The following GHR variants were observed in gnomAD, a reference collection of about 807,000 sequenced individuals.
GHR encodes the protein growth hormone receptor.
Under a neutral mutation model 67.1 loss-of-function variants are expected in GHR, and 35 were observed. The ratio of observed to expected loss-of-function variants is 0.52; its 90% CI spans 0.40 to 0.69. The LOEUF is 0.69. GHR is among the 30% of genes least tolerant of loss of function. The pLI, the probability that GHR is intolerant of heterozygous loss-of-function variation, is 0.00. For missense variants in GHR, 792 were observed against 764.6 expected (o/e 1.04, Z -0.42); for synonymous variants, 272 against 269.1 (o/e 1.01, Z -0.10).
At chr5:42,514,930 A>T (rs780866564) in intron 1 of GHR, 2 of 152,206 alleles carry the variant, frequency 1.3e-5, no homozygotes, top group Non-Finnish European at 2.9e-5. Context: ...TATTAATAAG[A>T]TCTGAAAGTA....
intron 2 of GHR, among the ~76,000 whole-genome samples, chr5:42,626,349 C>T (rs1279048674): frequency 1.6e-4 from 25 of 152,148 alleles, no homozygotes; most frequent in African/African-American, 9.7e-5. Flanking sequence ...CCTCCCCCTC[C>T]GGTTTGATAA....
chr5:42,688,809 A>C (rs1757280618), intron 3 of GHR, 81 bp from the exon 4 acceptor site: 2 of 1,299,694 alleles, frequency 1.5e-6, no homozygotes, highest in African/African-American at 2.9e-5. Flanking sequence ...TAGTTTCTTC[A>C]CACACTTTAG....
chr5:42,713,457 T>C lies in GHR; in HGVS notation c.813T>C (p.Ile271=). The part of the protein sequence containing the change: ...EDFYFPWLLI[I]IFGIFGLTVM... ...TCTACTTTCCATGGCTCTTAATTAT[T>C]ATCTTTGGAATATTTGGGCTAACAG... is the stretch of plus-strand genomic sequence containing the variant. The change falls in exon 8 of 10, where the codon ATT becomes ATC. Residue 271 remains isoleucine, a synonymous_variant. Coordinates refer to ENST00000230882, the MANE Select transcript of GHR (RefSeq NM_000163.5). 1.3e-6 allele frequency: 2 copies of C among 1,494,314 alleles called. No homozygotes were observed. Among genetic ancestry groups the C allele is most frequent in the South Asian group, 1.1e-5 (1 of 88,644 alleles). The allele number at this position is 1,494,314 out of a possible 1,614,324, so 92.6% of individuals were successfully genotyped here.
chr5:42,595,366 A>G (rs974024133), intron 2 of GHR, among the ~76,000 whole-genome samples: 1 of 152,152 alleles, frequency 6.6e-6, no homozygotes, highest in Non-Finnish European at 1.5e-5. Context: ...AGAATCAGGT[A>G]TGTTCTTATA....
intron 2 of GHR, among the ~76,000 whole-genome samples, chr5:42,585,591 C>A (rs969845741): frequency 6.6e-6 from 1 of 152,108 alleles, no homozygotes; most frequent in Non-Finnish European, 1.5e-5. Flanking sequence ...TTTTGCTGCA[C>A]GTTTTTTAAA....
intron 1 of GHR, among the ~76,000 whole-genome samples, chr5:42,553,397 T>C (rs1169210823): frequency 6.6e-6 from 1 of 152,182 alleles, no homozygotes; most frequent in Admixed American, 6.5e-5. Context: ...AGAGGCTATC[T>C]GCATTGCATC....
At chr5:42,557,595 G>C (rs957807736) in intron 1 of GHR, among the ~76,000 whole-genome samples, 1 of 152,046 alleles carries the variant, frequency 6.6e-6, no homozygotes, top group East Asian at 1.9e-4. Context: ...ATGAATATTA[G>C]AGATGAGTAA....
At chr5:42,484,725 C>T (rs1261683033) in intron 1 of GHR, among the ~76,000 whole-genome samples, 1 of 152,152 alleles carries the variant, frequency 6.6e-6, no homozygotes, top group Non-Finnish European at 1.5e-5. Context: ...ATGAATTTTA[C>T]TTTGAGAATA....
At chr5:42,636,321 C>T (rs929045925) in intron 3 of GHR, among the ~76,000 whole-genome samples, 13 of 151,380 alleles carry the variant, frequency 8.6e-5, no homozygotes, top group Non-Finnish European at 1.9e-4. Context: ...AGCATGGTTT[C>T]TTTGCCAAAG....
At chr5:42,572,659 G>T (rs931016286) in intron 2 of GHR, among the ~76,000 whole-genome samples, 1 of 152,134 alleles carries the variant, frequency 6.6e-6, no homozygotes, top group Non-Finnish European at 1.5e-5. Flanking sequence ...AAGCCACAGT[G>T]TTTCATCAGG....
At chr5:42,578,272 T>C (rs1750874277) in intron 2 of GHR, among the ~76,000 whole-genome samples, 1 of 152,188 alleles carries the variant, frequency 6.6e-6, no homozygotes, top group Admixed American at 6.5e-5. Flanking sequence ...GGTAGTTGCA[T>C]ATTGAACTGA....
At chr5:42,557,190 C>T (rs1749355803) in intron 1 of GHR, among the ~76,000 whole-genome samples, 2 of 152,130 alleles carry the variant, frequency 1.3e-5, no homozygotes, top group South Asian at 4.1e-4. Flanking sequence ...TGCCTGTACA[C>T]CCAAGCACAA....
At chr5:42,604,557 G>T (rs1752529064) in intron 2 of GHR, among the ~76,000 whole-genome samples, 1 of 152,148 alleles carries the variant, frequency 6.6e-6, no homozygotes, top group Admixed American at 6.5e-5. Flanking sequence ...AAAGGAACAG[G>T]TGAATAGAGG....
intron 2 of GHR, among the ~76,000 whole-genome samples, chr5:42,595,423 A>G (rs1166820481): frequency 6.6e-6 from 1 of 152,226 alleles, no homozygotes; most frequent in African/African-American, 2.4e-5. Context: ...TCCTTTGGCC[A>G]CCAGGAAGAC....
chr5:42,512,250 G>T (rs534105723), intron 1 of GHR, among the ~76,000 whole-genome samples: 17 of 152,070 alleles, frequency 1.1e-4, no homozygotes, highest in Non-Finnish European at 2.1e-4. Flanking sequence ...GGACTCAGGG[G>T]TTCTCAAGGC....
intron 5 of GHR, 100 bp from the exon 6 acceptor site, chr5:42,699,724 A>G: frequency 2.5e-6 from 2 of 816,220 alleles, no homozygotes; most frequent in Non-Finnish European, 4.4e-6. Flanking sequence ...AGCATGAATG[A>G]TCAAAAATGT....
chr5:42,523,951 G>T (rs778025969), intron 1 of GHR, among the ~76,000 whole-genome samples: 1 of 152,032 alleles, frequency 6.6e-6, no homozygotes, highest in Non-Finnish European at 1.5e-5. Context: ...AGGGCCTTTT[G>T]CCCCCAGCCA....
chr5:42,468,629 T>TTCTTGCTG, intron 1 of GHR: 1 of 1,073,966 alleles, frequency 9.3e-7, no homozygotes, highest in Non-Finnish European at 1.4e-6. Flanking sequence ...GGGCAGCGGG[T>TTCTTGCTG]TCTTGCTGTC....
intron 1 of GHR, among the ~76,000 whole-genome samples, chr5:42,540,412 A>G (rs867989963): frequency 1.6e-4 from 25 of 152,320 alleles, no homozygotes; most frequent in Middle Eastern, 3.4e-3. Context: ...CCTATTGAGA[A>G]TCAAAACATT....
Sources: gnomAD v4.1 joint callset for allele counts (sites outside exome capture counted in the v4.1 genomes callset) on GRCh38, gnomAD v4.1.1 for gene constraint, MANE v1.5 for transcripts, NCBI Gene and HGNC (gene_info 2026-07-23, HGNC 2026-07-21) for gene names.